ZBTB7B: variants seen among roughly 807,000 people sequenced by gnomAD.
ZBTB7B encodes the protein zinc finger and BTB domain containing 7B.
A neutral mutation model predicts 31.0 loss-of-function variants in ZBTB7B; 8 were observed. That is an observed-to-expected ratio of 0.26 (90% confidence interval 0.15 to 0.47). The LOEUF (loss-of-function observed/expected upper bound fraction) is 0.47. Among genes scored for constraint, ZBTB7B ranks in the 20% least tolerant of loss-of-function variants. The pLI, the probability that ZBTB7B is intolerant of heterozygous loss-of-function variation, is 0.99. For missense variants in ZBTB7B, 494 were observed against 742.4 expected (o/e 0.67, Z 3.89); for synonymous variants, 261 against 307.3 (o/e 0.85, Z 1.58).
At chr1:155,010,318 C>T (rs767633420) in intron 1 of ZBTB7B, 8 of 154,264 alleles carry the variant, frequency 5.2e-5, no homozygotes, top group Non-Finnish European at 1.4e-5. Context: ...CCCACAGCAC[C>T]GGGAAGCAGC....
intron 1 of ZBTB7B, among the ~76,000 whole-genome samples, chr1:155,013,375 C>A (rs920010947): frequency 6.6e-6 from 1 of 152,242 alleles, no homozygotes; most frequent in Non-Finnish European, 1.5e-5. Context: ...CACAAAATGT[C>A]AGGGCTGAAG....
Position 155,004,595 on chromosome 1 carries a change from T to C in ZBTB7B, c.-7+1652T>C, listed in dbSNP as rs544272322. ...GAGGAGAGAGTGGGCATAAGGAGTG[T>C]TGTGCTGCGCTAGAGAGGGACATAT... On this transcript the variant is annotated intron_variant, in intron 1 of 2. Transcript: ENST00000535420. The surrounding 1 kb of genome is among the most constrained non-coding windows in gnomAD (Gnocchi z 4.0). Among the ~76,000 whole-genome samples, 1 of 152,002 alleles carries C rather than the reference T, an allele frequency of 6.6e-6. No individual in the cohort carries two copies. The highest frequency in any genetic ancestry group is 2.4e-5 in the African/African-American group (1 of 41,368).
In ZBTB7B at chr1:155,015,546, C is replaced by G. The variant is rs374417943; in HGVS notation, c.886C>G (p.Pro296Ala). 3 of 1,613,540 alleles carry G rather than the reference C, an allele frequency of 1.9e-6. No homozygotes were observed. The highest frequency in any genetic ancestry group is 2.7e-5 in the African/African-American group (2 of 74,906). Residue 296 changes from proline (P) to alanine (A), a missense_variant, in exon 2 of 3, where the codon CCC becomes GCC. This residue lies in a region of ZBTB7B where 216 missense variants were observed against 229.3 expected (regional missense o/e 0.94). Transcript: ENST00000535420. ...PAYGLAQGGG[P>A]PLSPEELGSD... ...CTATGGGCTGGCGCAGGGTGGCGGG[C>G]CCCCGCTGTCCCCAGAGGAGCTGGG...
At chr1:155,007,807 A>AGGGGCAGC (rs957055126) in intron 1 of ZBTB7B, among the ~76,000 whole-genome samples, 2 of 151,648 alleles carry the variant, frequency 1.3e-5, no homozygotes, top group African/African-American at 4.9e-5. Flanking sequence ...GGAGCTGGTG[A>AGGGGCAGC]GGGGCAGCAG....
chr1:155,005,002 T>C (rs991624937), intron 1 of ZBTB7B, among the ~76,000 whole-genome samples: 8 of 151,816 alleles, frequency 5.3e-5, no homozygotes, highest in Admixed American at 2.0e-4. Flanking sequence ...TTCTGGCTGA[T>C]GTAGACCCCA....
At position 155,003,936 on chromosome 1, in the gene ZBTB7B, G is replaced by A. The variant is rs1471766694; in HGVS notation, c.-7+993G>A. ...CGGCGTGGGCAGCGGGTTGTGCCCG[G>A]ACACGTGCCTGCCCAGGCGCCCCGG... is the stretch of plus-strand genomic sequence containing the variant. On this transcript the variant is annotated intron_variant, in intron 1 of 2. Transcript: ENST00000535420. The surrounding 1 kb of genome is among the most constrained non-coding windows in gnomAD (Gnocchi z 5.8). Among the ~76,000 whole-genome samples, 1 of 152,184 alleles carries A rather than the reference G, an allele frequency of 6.6e-6. No individual in the cohort carries two copies. Among genetic ancestry groups the A allele is most frequent in the Non-Finnish European group, 1.5e-5 (1 of 68,018 alleles).
At chr1:155,005,977 C>A (rs1658536733) in intron 1 of ZBTB7B, among the ~76,000 whole-genome samples, 1 of 152,194 alleles carries the variant, frequency 6.6e-6, no homozygotes, top group Admixed American at 6.5e-5. Context: ...CAAGAAAGAC[C>A]CCCACACCCA....
rs1181726143 is a variant in ZBTB7B at position 155,003,952 on chromosome 1, GGCGCCCCGGCCCT to G, written c.-7+1012_-7+1024del. Among the ~76,000 whole-genome samples the G allele has an allele frequency of 1.6e-4, 24 of 152,328 alleles. No individual in the cohort carries two copies. The highest frequency in any genetic ancestry group is 3.4e-3 in the Middle Eastern group (1 of 294). On this transcript the variant is annotated intron_variant, in intron 1 of 2. Coordinates refer to ENST00000535420, the MANE Select transcript of ZBTB7B (RefSeq NM_001256455.2). This position sits in a 1 kb window ranked among gnomAD's most constrained non-coding sequence, Gnocchi z 5.8. ...TTGTGCCCGGACACGTGCCTGCCCA[GGCGCCCCGGCCCT>G]GCTGGTGTTTAGAGAGAGGGCGGGT...
At chr1:155,011,747 G>A (rs762904172) in intron 1 of ZBTB7B, among the ~76,000 whole-genome samples, 15 of 152,244 alleles carry the variant, frequency 9.9e-5, no homozygotes, top group Non-Finnish European at 1.8e-4. Flanking sequence ...TTCATGGGGC[G>A]TCAGGGGACT....
Position 155,017,147 on chromosome 1 carries a change from C to T in ZBTB7B, c.*462C>T, listed in dbSNP as rs978501153. On this transcript the variant is annotated 3_prime_UTR_variant, in exon 3 of 3. Coordinates refer to ENST00000535420, the MANE Select transcript of ZBTB7B (RefSeq NM_001256455.2). ...AGACCCCTCCTTCCTGGTTTCTGTT[C>T]CTTTTTCCTGGCAGTGAATTATGCA... 1 of 156,920 alleles carries T rather than the reference C, an allele frequency of 6.4e-6. No homozygotes were observed. The highest frequency in any genetic ancestry group is 2.4e-5 in the African/African-American group (1 of 41,492). 9.7% of individuals were successfully genotyped at this position (156,920 alleles called of 1,614,324 possible).
intron 1 of ZBTB7B, among the ~76,000 whole-genome samples, chr1:155,013,239 G>A (rs1035681041): frequency 2.0e-5 from 3 of 152,190 alleles, no homozygotes; most frequent in Non-Finnish European, 4.4e-5. Flanking sequence ...GCGGCTCAGA[G>A]ATTAAATCAC....
chr1:155,011,130 A>C, intron 1 of ZBTB7B: 1 of 971,072 alleles, frequency 1.0e-6, no homozygotes, highest in Non-Finnish European at 1.5e-6. Context: ...ACTAAGCCTC[A>C]CTCCCCTAAT....
Position 155,016,878 on chromosome 1 carries a change from G to C in ZBTB7B, c.*193G>C, listed in dbSNP as rs1037911440. The C allele has an allele frequency of 3.6e-6, 2 of 558,114 alleles. No homozygotes were observed. Among genetic ancestry groups the C allele is most frequent in the Non-Finnish European group, 6.4e-6 (2 of 313,382 alleles). 34.6% of individuals were successfully genotyped at this position (558,114 alleles called of 1,614,324 possible). A position where few individuals can be genotyped will look rare whatever the true frequency, so the allele number is the denominator to read the frequency against. ...TTGGGGCAGAGGCTCCCCAAATTGG[G>C]GTGATCCCCCAAGGAGTGATACATA... On this transcript the variant is annotated 3_prime_UTR_variant, in exon 3 of 3. Transcript: ENST00000535420. The surrounding 1 kb of genome is among the most constrained non-coding windows in gnomAD (Gnocchi z 4.3).
At position 155,004,750 on chromosome 1, in the gene ZBTB7B, A is replaced by G. The variant is rs527783856; in HGVS notation, c.-7+1807A>G. Among the ~76,000 whole-genome samples the G allele has an allele frequency of 3.2e-4, 49 of 152,186 alleles. No homozygotes were observed. The highest frequency in any genetic ancestry group is 1.2e-3 in the African/African-American group (49 of 41,510). ...TGTCAGTGCCTCTGTCCCTGGCCCCAGGGACCCCAGCTCCCCCAGCGTGCC... is the reference window on the plus strand; with the variant it reads ...TGTCAGTGCCTCTGTCCCTGGCCCCGGGGACCCCAGCTCCCCCAGCGTGCC... On this transcript the variant is annotated intron_variant, in intron 1 of 2. Transcript: ENST00000535420. The surrounding 1 kb of genome is among the most constrained non-coding windows in gnomAD (Gnocchi z 4.0).
rs780876345 is a variant in ZBTB7B, at chr1:155,016,460, C to T, written c.1395C>T (p.Asp465=). ...LEVRTRRRRK[D]DAPPHYPPPS... is the part of the protein sequence containing the mutation. ...TGCGCACCCGACGGCGCCGCAAGGA[C>T]GATGCACCACCCCACTACCCACCAC... The change falls in exon 3 of 3, where the codon GAC becomes GAT. Residue 465 remains aspartate (D), a synonymous_variant. Coordinates refer to ENST00000535420, the MANE Select transcript of ZBTB7B (RefSeq NM_001256455.2). This position sits in a 1 kb window ranked among gnomAD's most constrained non-coding sequence, Gnocchi z 4.3. The T allele has an allele frequency of 1.3e-5, 21 of 1,614,064 alleles. No individual in the cohort carries two copies. The highest frequency in any genetic ancestry group is 2.2e-5 in the East Asian group (1 of 44,884).
upstream of ZBTB7B, among the ~76,000 whole-genome samples, chr1:155,001,786 G>C (rs930283368): frequency 2.0e-5 from 3 of 150,828 alleles, no homozygotes; most frequent in African/African-American, 7.3e-5. The surrounding 1 kb of genome is among the most constrained non-coding windows in gnomAD (Gnocchi z 4.8). Flanking sequence ...TTCCCTCCCC[G>C]CGGGGCACCG....
At chr1:155,008,911 T>G (rs1658744725) in intron 1 of ZBTB7B, among the ~76,000 whole-genome samples, 1 of 151,910 alleles carries the variant, frequency 6.6e-6, no homozygotes, top group South Asian at 2.1e-4. Context: ...CCCCCAAGCC[T>G]GGCCCTCCCC....
Position 155,015,831 on chromosome 1 carries a change from G to A in ZBTB7B, c.1154+17G>A, listed in dbSNP as rs1332431234. On this transcript the variant is annotated intron_variant, in intron 2 of 2. Transcript: ENST00000535420. ...ATTCACCAGGTGAGCAGCAAGGGGG[G>A]AAGGGCCCGGCAGGGGCCATGGGTA... 2.5e-6 allele frequency: 4 copies of A among 1,603,148 alleles called. No homozygotes were observed. The highest frequency in any genetic ancestry group is 3.4e-6 in the Non-Finnish European group (4 of 1,173,448).
At position 155,011,153 on chromosome 1, in the gene ZBTB7B, G is replaced by T; in HGVS notation, c.-6-3502G>T. Reference sequence around the variant, plus strand: ...TCACTCCCCTAATCCCCAGGGTGGGGGAAAGGGGGGTCAGCTTTACTCAGC... The same window carrying T: ...TCACTCCCCTAATCCCCAGGGTGGGTGAAAGGGGGGTCAGCTTTACTCAGC... On this transcript the variant is annotated intron_variant, in intron 1 of 2. Coordinates refer to ENST00000535420, the MANE Select transcript of ZBTB7B (RefSeq NM_001256455.2). 9.7e-6 allele frequency: 8 copies of T among 827,416 alleles called. No individual in the cohort carries two copies. In the South Asian group the frequency reaches 1.3e-4, roughly 13 times the overall value. 51.3% of individuals were successfully genotyped at this position (827,416 alleles called of 1,614,324 possible).
Sources: gnomAD v4.1 joint callset for allele counts (sites outside exome capture counted in the v4.1 genomes callset) on GRCh38, gnomAD v4.1.1 for gene constraint, gnomAD v4.1.1 regional missense constraint, Gnocchi (gnomAD v3.1) non-coding constraint, MANE v1.5 for transcripts, NCBI Gene and HGNC (gene_info 2026-07-23, HGNC 2026-07-21) for gene names.